SCN8A: variants seen among roughly 807,000 people sequenced by gnomAD.
The protein encoded by SCN8A is sodium voltage-gated channel alpha subunit 8, also known as sodium channel protein type 8 subunit alpha.
Under a neutral mutation model 184.1 loss-of-function variants are expected in SCN8A, and 30 were observed. The ratio of observed to expected loss-of-function variants is 0.16; its 90% CI spans 0.12 to 0.22. The LOEUF (loss-of-function observed/expected upper bound fraction) is 0.22. Among genes scored for constraint, SCN8A ranks in the 10% least tolerant of loss-of-function variants. The pLI is 1.00. For synonymous variants in SCN8A, 852 were observed against 907.0 expected (o/e 0.94, Z 1.09); for missense variants, 1,057 against 2,498.9 (o/e 0.42, Z 12.30).
At chr12:51,678,295 C>G (rs778562125) in intron 2 of SCN8A, among the ~76,000 whole-genome samples, 18 of 152,158 alleles carry the variant, frequency 1.2e-4, no homozygotes, top group Admixed American at 8.5e-4. Flanking sequence ...TATGCTCCCC[C>G]CTGCTGACAT....
intron 11 of SCN8A, among the ~76,000 whole-genome samples, chr12:51,710,589 G>T (rs1941858101): frequency 6.6e-6 from 1 of 152,162 alleles, no homozygotes; most frequent in Non-Finnish European, 1.5e-5. Context: ...AGCATGGGAG[G>T]TTGAAGCTGC....
rs80119534 is a variant in SCN8A, at chr12:51,706,939, T to G, written c.1635+224T>G. Reference sequence around the variant, plus strand: ...CCTTCAAGAGATCCACTTTTTTAGCTCCCACGTATGAGTGAGAACATGCTA... The same window carrying G: ...CCTTCAAGAGATCCACTTTTTTAGCGCCCACGTATGAGTGAGAACATGCTA... On this transcript the variant is annotated intron_variant, in intron 11 of 26. Coordinates refer to ENST00000627620, the MANE Select transcript of SCN8A (RefSeq NM_001330260.2). Among the ~76,000 whole-genome samples the G allele has an allele frequency of 1.5e-3, 223 of 152,250 alleles. 11 individuals carry two copies. In the East Asian group the frequency reaches 0.04, roughly 27 times the overall value.
intron 9 of SCN8A, among the ~76,000 whole-genome samples, chr12:51,703,135 C>T (rs973199284): frequency 3.9e-5 from 6 of 152,208 alleles, no homozygotes; most frequent in Non-Finnish European, 7.3e-5. Context: ...ACAGCCTTGA[C>T]GGCCTCTTGT....
rs1555226833 is a variant in SCN8A, at chr12:51,774,245, T to C, written c.3702T>C (p.Tyr1234=). The C allele has an allele frequency of 1.9e-6, 3 of 1,614,044 alleles. No homozygotes were observed. The highest frequency in any genetic ancestry group is 2.5e-6 in the Non-Finnish European group (3 of 1,179,914). Reference sequence around the variant, plus strand: ...AGACCATCCGCACCATCCTGGAATATGCTGACAAAGTCTTCACCTATATCT... The same window carrying C: ...AGACCATCCGCACCATCCTGGAATACGCTGACAAAGTCTTCACCTATATCT... ...QRKTIRTILE[Y]ADKVFTYIFI... Residue 1234 remains tyrosine, a synonymous_variant, in exon 20 of 27, where the codon TAT becomes TAC. Coordinates refer to ENST00000627620, the MANE Select transcript of SCN8A (RefSeq NM_001330260.2).
In SCN8A at chr12:51,687,229, C is replaced by G; in HGVS notation, c.614+10C>G. 1 of 1,613,034 alleles carries G rather than the reference C, an allele frequency of 6.2e-7. No homozygotes were observed. Among genetic ancestry groups the G allele is most frequent in the Non-Finnish European group, 8.5e-7 (1 of 1,179,302 alleles). ...GTGTCATCATGATGGCGTAAGTTCT[C>G]CCCTTACTTTATTGGTGTTCTGGGT... On this transcript the variant is annotated intron_variant, in intron 5 of 26. Coordinates refer to ENST00000627620, the MANE Select transcript of SCN8A (RefSeq NM_001330260.2).
intron 9 of SCN8A, among the ~76,000 whole-genome samples, chr12:51,704,578 G>T (rs1197021257): frequency 6.6e-6 from 1 of 151,112 alleles, no homozygotes; most frequent in Admixed American, 6.6e-5. Flanking sequence ...GCTGAGGTGG[G>T]AGAATTGCTT....
At chr12:51,784,815 A>G (rs1704218494) in intron 21 of SCN8A, among the ~76,000 whole-genome samples, 1 of 152,198 alleles carries the variant, frequency 6.6e-6, no homozygotes, top group Non-Finnish European at 1.5e-5. Flanking sequence ...AACCCATAGT[A>G]TGTGGGACAG....
chr12:51,643,724 G>C (rs573649170), intron 1 of SCN8A, among the ~76,000 whole-genome samples: 1 of 152,158 alleles, frequency 6.6e-6, no homozygotes, highest in South Asian at 2.1e-4. Flanking sequence ...TTGACATTTC[G>C]TGTAAGATAT....
At chr12:51,785,790 C>A (rs1187944829) in intron 21 of SCN8A, among the ~76,000 whole-genome samples, 5 of 152,064 alleles carry the variant, frequency 3.3e-5, no homozygotes, top group Non-Finnish European at 5.9e-5. Context: ...ATCCCTATTT[C>A]TAATACACTG....
intron 1 of SCN8A, among the ~76,000 whole-genome samples, chr12:51,652,351 G>A (rs779108709): frequency 2.0e-5 from 3 of 152,064 alleles, no homozygotes; most frequent in Non-Finnish European, 4.4e-5. Flanking sequence ...TGCTACAATA[G>A]TCTTCTTCCT....
chr12:51,696,953 C>T (rs552812435), intron 6 of SCN8A, among the ~76,000 whole-genome samples: 1 of 150,444 alleles, frequency 6.6e-6, no homozygotes, highest in East Asian at 2.0e-4. Context: ...GCAGGAGAAT[C>T]GCTTGAACCC....
At chr12:51,636,350 C>T (rs866648640) in intron 1 of SCN8A, among the ~76,000 whole-genome samples, 9 of 152,094 alleles carry the variant, frequency 5.9e-5, no homozygotes, top group African/African-American at 1.7e-4. Context: ...CTCATTATGT[C>T]GCTGTTTGTA....
chr12:51,745,091 C>T (rs777121365), intron 12 of SCN8A, among the ~76,000 whole-genome samples: 89 of 152,254 alleles, frequency 5.8e-4, no homozygotes, highest in Admixed American at 2.0e-3. Flanking sequence ...GTCACAAGAA[C>T]GTAAGTCAGG....
chr12:51,634,656 A>ATTAT (rs1555210870), intron 1 of SCN8A, among the ~76,000 whole-genome samples: 87 of 136,630 alleles, frequency 6.4e-4, no homozygotes, highest in African/African-American at 2.2e-3. Flanking sequence ...TATTATTATT[A>ATTAT]TTTTTTTTTT....
chr12:51,714,900 G>A (rs1941940613), intron 11 of SCN8A, among the ~76,000 whole-genome samples: 1 of 152,202 alleles, frequency 6.6e-6, no homozygotes, highest in Non-Finnish European at 1.5e-5. Context: ...AAAGCTCCTG[G>A]TTGGTTGACA....
intron 20 of SCN8A, among the ~76,000 whole-genome samples, chr12:51,776,693 T>C (rs889921734): frequency 6.6e-6 from 1 of 152,230 alleles, no homozygotes; most frequent in Non-Finnish European, 1.5e-5. Flanking sequence ...GACTGTCACC[T>C]GAACAGTTGG....
chr12:51,674,969 C>G (rs187032488), intron 2 of SCN8A, among the ~76,000 whole-genome samples: 269 of 152,306 alleles, frequency 1.8e-3, no homozygotes, highest in Non-Finnish European at 2.4e-3. Flanking sequence ...GTAAACCACT[C>G]TGCTTTGCTG....
At chr12:51,751,644 G>T in intron 14 of SCN8A, 51 bp downstream of exon 14, 1 of 1,375,782 alleles carries the variant, frequency 7.3e-7, no homozygotes, top group Non-Finnish European at 1.0e-6. Context: ...TGTTTTGCCT[G>T]TAGGATATCT....
chr12:51,804,344 A>T lies in SCN8A; in HGVS notation c.4796-1938A>T, dbSNP rs1387894621. 6.8e-5 allele frequency among the ~76,000 whole-genome samples: 10 copies of T among 148,096 alleles called. No homozygotes were observed. In the East Asian group the frequency reaches 9.7e-4, roughly 14 times the overall value. On this transcript the variant is annotated intron_variant, in intron 26 of 26. Coordinates refer to ENST00000627620, the MANE Select transcript of SCN8A (RefSeq NM_001330260.2). ...TCTCTTTTCTTTTTTTTTTTTTTTT[A>T]AAGACAGAGTCTCTGCCTGTCGCCC...
Sources: allele counts gnomAD v4.1 joint callset (sites outside exome capture counted in the v4.1 genomes callset), GRCh38; gene constraint gnomAD v4.1.1; transcripts MANE v1.5; gene names NCBI Gene and HGNC (gene_info 2026-07-23, HGNC 2026-07-21).